ZBTB37: variants seen among roughly 807,000 people sequenced by gnomAD.
The protein encoded by ZBTB37 is zinc finger and BTB domain containing 37, also known as zinc finger and BTB domain-containing protein 37.
In ZBTB37, 15 loss-of-function variants were observed where a neutral mutation model predicts 37.7. That is an observed-to-expected ratio of 0.40 (90% CI 0.27 to 0.61). The LOEUF (loss-of-function observed/expected upper bound fraction) is 0.61, where lower values mean the gene tolerates loss of function less well. Ranked by LOEUF, ZBTB37 falls within the 20% of genes least tolerant of loss-of-function variation. ZBTB37 has a pLI of 0.44. For synonymous variants in ZBTB37, 231 were observed against 220.6 expected (o/e 1.05, Z -0.42); for missense variants, 514 against 641.9 (o/e 0.80, Z 2.15).
exon 4 of ZBTB37, chr1:173,901,129 C>A (rs887207409): frequency 6.6e-6 from 1 of 152,176 alleles, no homozygotes; most frequent in Non-Finnish European, 1.5e-5. Context: ...TTGCTGATTC[C>A]TCTTAAACCT....
intron 4 of ZBTB37, among the ~76,000 whole-genome samples, chr1:173,876,943 CATATG>C (rs1656006016): frequency 6.6e-6 from 1 of 152,166 alleles, no homozygotes; most frequent in Non-Finnish European, 1.5e-5. Flanking sequence ...ACACCTAGTT[CATATG>C]ATATATCCCG....
chr1:173,870,654 A>C (rs1379139873), exon 3 of ZBTB37: 5 of 1,614,084 alleles, frequency 3.1e-6, no homozygotes, highest in Non-Finnish European at 3.4e-6. Flanking sequence ...AAACAAGGAC[A>C]AAGCATCAAG....
At chr1:173,877,607 C>G (rs1305922865) in intron 4 of ZBTB37, among the ~76,000 whole-genome samples, 1 of 152,040 alleles carries the variant, frequency 6.6e-6, no homozygotes, top group African/African-American at 2.4e-5. Flanking sequence ...TCTCGAATTC[C>G]TGAGCTCAGT....
At chr1:173,902,420 G>C (rs928669958) in exon 4 of ZBTB37, 5 of 152,136 alleles carry the variant, frequency 3.3e-5, no homozygotes, top group Admixed American at 1.3e-4. Flanking sequence ...CTACCAGTCT[G>C]TTTTTTCCCT....
intron 4 of ZBTB37, among the ~76,000 whole-genome samples, chr1:173,875,387 G>A (rs1655902637): frequency 1.3e-5 from 2 of 149,316 alleles, no homozygotes; most frequent in African/African-American, 4.9e-5. Flanking sequence ...GTGCAGTGGT[G>A]TGATCTCGGC....
At chr1:173,875,117 TG>T (rs1655864482) in intron 4 of ZBTB37, among the ~76,000 whole-genome samples, 8 of 780 alleles carry the variant, frequency 0.01, no homozygotes, top group African/African-American at 0.017. Flanking sequence ...CTGATTATTA[TG>T]TGTGTGTGTG....
At position 173,872,698 on chromosome 1, in the gene ZBTB37, T is replaced by A. The variant is rs561081802; in HGVS notation, c.924-769T>A. 4.4e-4 allele frequency among the ~76,000 whole-genome samples: 67 copies of A among 151,780 alleles called. 1 individual carries two copies. The highest frequency in any genetic ancestry group is 3.4e-3 in the Middle Eastern group (1 of 294). On this transcript the variant is annotated intron_variant, in intron 3 of 4. Coordinates refer to ENST00000427304, the Ensembl canonical transcript of ZBTB37. ...ATGATAACTTATGGAAATAAAATTT[T>A]AAAAAAAACTATCAGAAGTAATATC... is the stretch of plus-strand genomic sequence containing the variant.
exon 3 of ZBTB37, chr1:173,870,734 C>T (rs1238010929): frequency 2.5e-6 from 4 of 1,614,170 alleles, no homozygotes; most frequent in Middle Eastern, 1.6e-4. Context: ...CATAATACCC[C>T]AAAGGGAAAC....
intron 2 of ZBTB37, 116 bp from the exon 3 acceptor site, chr1:173,870,084 T>C (rs746102635): frequency 1.5e-6 from 1 of 688,844 alleles, no homozygotes; most frequent in Non-Finnish European, 2.3e-6. Context: ...GTATTTCTTT[T>C]ATCTGGAGAT....
exon 4 of ZBTB37, chr1:173,899,654 G>C (rs1231722922): frequency 6.6e-6 from 1 of 152,206 alleles, no homozygotes; most frequent in Non-Finnish European, 1.5e-5. Context: ...TTATTGGTCT[G>C]TTGTGCAACC....
At chr1:173,886,901 A>G (rs1281399809), downstream of ZBTB37, 3 of 152,246 alleles carry the variant, frequency 2.0e-5, no homozygotes, top group Non-Finnish European at 4.4e-5. Context: ...ATGTTTTGCA[A>G]ATATCAAACA....
chr1:173,885,681 C>T, exon 5 of ZBTB37: 1 of 1,552,068 alleles, frequency 6.4e-7, no homozygotes, highest in East Asian at 2.4e-5. Flanking sequence ...TGTGGAGTAT[C>T]TCCGAGAGCA....
chr1:173,876,117 T>C (rs1342325223), intron 4 of ZBTB37, among the ~76,000 whole-genome samples: 1 of 152,132 alleles, frequency 6.6e-6, no homozygotes, highest in Non-Finnish European at 1.5e-5. Flanking sequence ...TAGTATGAGT[T>C]TGCTCATTTT....
intron 1 of ZBTB37, among the ~76,000 whole-genome samples, 198 bp downstream of exon 1, chr1:173,868,603 CG>C (rs1413105154): frequency 1.3e-5 from 2 of 152,188 alleles, no homozygotes; most frequent in African/African-American, 2.4e-5. Flanking sequence ...CGCCCCCTCG[CG>C]GGGCCCCTCC....
At chr1:173,888,624 C>G (rs1656723427), downstream of ZBTB37, 1 of 151,718 alleles carries the variant, frequency 6.6e-6, no homozygotes, top group African/African-American at 2.4e-5. Flanking sequence ...GACGGTGTCT[C>G]TACAAAATTT....
chr1:173,869,903 C>T (rs139623828), intron 2 of ZBTB37, among the ~76,000 whole-genome samples: 1 of 152,282 alleles, frequency 6.6e-6, no homozygotes, highest in African/African-American at 2.4e-5. Context: ...CCCCTACCTT[C>T]TGTTGAACTT....
At chr1:173,874,336 ATCT>A (rs1655781240) in intron 4 of ZBTB37, among the ~76,000 whole-genome samples, 1 of 148,936 alleles carries the variant, frequency 6.7e-6, no homozygotes, top group Non-Finnish European at 1.5e-5. Flanking sequence ...TATAGAAAAC[ATCT>A]TTTTTTTTTT....
At chr1:173,891,153 C>T (rs1168038180), downstream of ZBTB37, 1 of 152,058 alleles carries the variant, frequency 6.6e-6, no homozygotes, top group Non-Finnish European at 1.5e-5. Context: ...TTAATGGTGC[C>T]GGTATTTTAA....
intron 4 of ZBTB37, among the ~76,000 whole-genome samples, chr1:173,882,233 G>GTTTT: frequency 7.7e-6 from 1 of 130,280 alleles, no homozygotes; most frequent in Non-Finnish European, 1.6e-5. Context: ...TCTGATGGTA[G>GTTTT]TTTCTTTTTT....
Sources: gnomAD v4.1 joint callset for allele counts (sites outside exome capture counted in the v4.1 genomes callset) on GRCh38, gnomAD v4.1.1 for gene constraint, MANE v1.5 for transcripts, NCBI Gene and HGNC (gene_info 2026-07-23, HGNC 2026-07-21) for gene names.